Variants in GIGYF2 observed in about 807,000 individuals in gnomAD.
The protein encoded by GIGYF2 is GRB10 interacting GYF protein 2, also known as GRB10-interacting GYF protein 2.
GIGYF2 carries 25 observed loss-of-function variants against 208.1 expected under a neutral mutation model. The ratio of observed to expected loss-of-function variants is 0.12; its 90% CI spans 0.09 to 0.17. The LOEUF is 0.17. GIGYF2 is among the 10% of genes least tolerant of loss of function. GIGYF2 has a pLI of 1.00. For missense variants in GIGYF2, 1,302 were observed against 1,579.4 expected (o/e 0.82, Z 2.98); for synonymous variants, 534 against 543.8 (o/e 0.98, Z 0.25).
rs372379057 is a variant in GIGYF2, at chr2:232,844,213, G to A, written c.3057G>A (p.Gln1019=). 93 of 1,564,018 alleles carry A rather than the reference G, an allele frequency of 5.9e-5. No individual in the cohort carries two copies. Among genetic ancestry groups the A allele is most frequent in the Non-Finnish European group, 1.7e-6 (2 of 1,153,046 alleles). ...EARQMQKQQQ[Q]QQQHQQPNRA... ...GGCAAATGCAAAAGCAGCAGCAGCA[G>A]CAGCAGCAACACCAGCAACCAAACA... is the stretch of plus-strand genomic sequence containing the variant. The change falls in exon 24 of 29, where the codon CAG becomes CAA. Residue 1019 remains glutamine, a synonymous_variant. Coordinates refer to ENST00000373563, the MANE Select transcript of GIGYF2 (RefSeq NM_001103146.3).
Position 232,761,354 on chromosome 2 carries a change from T to G in GIGYF2, c.492-42T>G, listed in dbSNP as rs758223848. On this transcript the variant is annotated intron_variant, in intron 7 of 28. Coordinates refer to ENST00000373563, the MANE Select transcript of GIGYF2 (RefSeq NM_001103146.3). ...GAGTGTCACAGATAGGAAATCTATA[T>G]CACTGTGAGACTTTGTTTGAAACTT... 6 of 1,359,144 alleles carry G rather than the reference T, an allele frequency of 4.4e-6. No homozygotes were observed. In the Admixed American group the frequency reaches 1.0e-4, roughly 23 times the overall value. 84.2% of individuals were successfully genotyped at this position (1,359,144 alleles called of 1,614,324 possible). A position where few individuals can be genotyped will look rare whatever the true frequency, so the allele number is the denominator to read the frequency against.
chr2:232,851,572 G>T (rs924436760), intron 28 of GIGYF2, among the ~76,000 whole-genome samples: 1 of 151,952 alleles, frequency 6.6e-6, no homozygotes, highest in Non-Finnish European at 1.5e-5. Flanking sequence ...GGCACATGCC[G>T]CCACACCTGG....
Position 232,781,200 on chromosome 2 carries a change from C to A in GIGYF2, c.533-5950C>A, listed in dbSNP as rs184097573. On this transcript the variant is annotated intron_variant, in intron 8 of 28. Coordinates refer to ENST00000373563, the MANE Select transcript of GIGYF2 (RefSeq NM_001103146.3). The stretch of plus-strand genomic sequence containing the variant: ...TCTCGAACTCCTGACCTCAGGTGAT[C>A]TGCCCGCCTCGGCCTCTGAAAGTGC... Among the ~76,000 whole-genome samples, 1,098 of 152,032 alleles carry A rather than the reference C, an allele frequency of 7.2e-3. 10 individuals are homozygous for A. The highest frequency in any genetic ancestry group is 0.012 in the Non-Finnish European group (840 of 67,978).
intron 2 of GIGYF2, among the ~76,000 whole-genome samples, chr2:232,713,161 C>T (rs375983235): frequency 6.6e-6 from 1 of 151,920 alleles, no homozygotes. Context: ...CTGTAACCAC[C>T]GCCTCTTGGG....
intron 20 of GIGYF2, among the ~76,000 whole-genome samples, chr2:232,817,390 C>T (rs146757331): frequency 5.9e-5 from 9 of 152,330 alleles, no homozygotes; most frequent in African/African-American, 1.9e-4. Context: ...ATTGTGCTAA[C>T]ATATACATAA....
At chr2:232,843,855 C>T (rs1426573708) in intron 23 of GIGYF2, among the ~76,000 whole-genome samples, 191 bp from the exon 24 acceptor site, 1 of 152,176 alleles carries the variant, frequency 6.6e-6, no homozygotes, top group Admixed American at 6.5e-5. Flanking sequence ...AGTAATTTTG[C>T]ATTTCATGTT....
At chr2:232,697,627 A>C (rs988644829) in intron 1 of GIGYF2, among the ~76,000 whole-genome samples, 9 of 152,216 alleles carry the variant, frequency 5.9e-5, no homozygotes, top group Admixed American at 3.3e-4. Flanking sequence ...AGGGGCGCTG[A>C]GGGCCCTGGC....
At chr2:232,846,025 G>C in intron 26 of GIGYF2, 139 bp downstream of exon 26, 2 of 704,146 alleles carry the variant, frequency 2.8e-6, no homozygotes, top group South Asian at 3.0e-5. Context: ...ATAGGAACTT[G>C]ACTCTTTAAT....
chr2:232,708,671 T>TAAA (rs11365519), intron 2 of GIGYF2, among the ~76,000 whole-genome samples: 21 of 120,394 alleles, frequency 1.7e-4, no homozygotes, highest in African/African-American at 4.6e-4. Context: ...CTCATTTCTT[T>TAAA]AAAAAAAAAA....
At chr2:232,775,121 G>A (rs1699456267) in intron 8 of GIGYF2, among the ~76,000 whole-genome samples, 1 of 151,974 alleles carries the variant, frequency 6.6e-6, no homozygotes, top group African/African-American at 2.4e-5. Flanking sequence ...TTGGCAAGTG[G>A]AGTAATATAG....
chr2:232,775,916 A>T (rs1477753219), intron 8 of GIGYF2, among the ~76,000 whole-genome samples: 1 of 152,210 alleles, frequency 6.6e-6, no homozygotes, highest in Non-Finnish European at 1.5e-5. Flanking sequence ...ATTGAGTTCT[A>T]ACCCTGTTAT....
At chr2:232,760,859 T>C (rs1698719997) in intron 7 of GIGYF2, among the ~76,000 whole-genome samples, 1 of 151,368 alleles carries the variant, frequency 6.6e-6, no homozygotes, top group Non-Finnish European at 1.5e-5. Flanking sequence ...TGTCATGTTA[T>C]TGTTTGTTGG....
At position 232,833,004 on chromosome 2, in the gene GIGYF2, A is replaced by G. The variant is rs1574935865; in HGVS notation, c.2677A>G (p.Lys893Glu). The G allele has an allele frequency of 6.4e-7, 1 of 1,572,412 alleles. No individual in the cohort carries two copies. The highest frequency in any genetic ancestry group is 8.6e-7 in the Non-Finnish European group (1 of 1,158,480). The part of the protein sequence containing the change: ...KRKELEVQRQ[K>E]ELMRQRQQQQ... Reference sequence around the variant, plus strand: ...AAAGGAGCTGGAGGTCCAGCGGCAGAAGGAGTTAATGCGCCAGAGGCAGCA... The same window carrying G: ...AAAGGAGCTGGAGGTCCAGCGGCAGGAGGAGTTAATGCGCCAGAGGCAGCA... The change falls in exon 22 of 29, where the codon AAG becomes GAG. Residue 893 changes from lysine to glutamate, a missense_variant. Lys to Glu is a moderately conservative substitution (Grantham distance 56). Transcript: ENST00000373563.
At chr2:232,710,740 C>A (rs1330641355) in intron 2 of GIGYF2, among the ~76,000 whole-genome samples, 1 of 146,836 alleles carries the variant, frequency 6.8e-6, no homozygotes, top group Non-Finnish European at 1.5e-5. Flanking sequence ...CTCTTGTTTC[C>A]CTGGCTGGAG....
intron 2 of GIGYF2, among the ~76,000 whole-genome samples, chr2:232,723,419 ATTCTT>A (rs1171372792): frequency 2.0e-5 from 3 of 148,756 alleles, no homozygotes; most frequent in Non-Finnish European, 3.0e-5. Flanking sequence ...CACAGCTAAG[ATTCTT>A]TTCTTTTCTT....
rs771333771 is a variant in GIGYF2 at position 232,806,667 on chromosome 2, T to G, written c.1806+10T>G. On this transcript the variant is annotated intron_variant, in intron 15 of 28. Transcript: ENST00000373563. The surrounding 1 kb of genome is among the most constrained non-coding windows in gnomAD (Gnocchi z 4.0). The stretch of plus-strand genomic sequence containing the variant: ...TCCCCCTCCTCATATGGTAAGTACC[T>G]TTCACCTCACCTGGAATACATATTA... 3 of 1,589,286 alleles carry G rather than the reference T, an allele frequency of 1.9e-6. No individual in the cohort carries two copies. The South Asian group carries it at 3.3e-5, about 18-fold the overall frequency.
chr2:232,847,626 T>C, intron 27 of GIGYF2, 55 bp downstream of exon 27: 10 of 1,600,294 alleles, frequency 6.2e-6, no homozygotes, highest in Non-Finnish European at 8.5e-6. Flanking sequence ...CTTTAGATGT[T>C]GAGTAACCCA....
At chr2:232,721,977 T>C (rs1465000876) in intron 2 of GIGYF2, among the ~76,000 whole-genome samples, 1 of 152,162 alleles carries the variant, frequency 6.6e-6, no homozygotes, top group Non-Finnish European at 1.5e-5. Context: ...GTCAACTCTC[T>C]TCTGTTTTTA....
At chr2:232,724,460 C>G (rs781042505) in intron 2 of GIGYF2, 3 of 152,136 alleles carry the variant, frequency 2.0e-5, no homozygotes, top group Non-Finnish European at 4.4e-5. Context: ...CCCCACGGCA[C>G]TCCTAACTGC....
Sources: gnomAD v4.1 joint callset for allele counts (sites outside exome capture counted in the v4.1 genomes callset) on GRCh38, gnomAD v4.1.1 for gene constraint, Gnocchi (gnomAD v3.1) non-coding constraint, MANE v1.5 for transcripts, NCBI Gene and HGNC (gene_info 2026-07-23, HGNC 2026-07-21) for gene names.